The following FOXP2 variants were observed in gnomAD, a reference collection of about 807,000 sequenced individuals.
The protein encoded by FOXP2 is forkhead box protein P2.
Under a neutral mutation model 115.8 loss-of-function variants are expected in FOXP2, and 12 were observed. That is an observed-to-expected ratio of 0.10 (90% CI 0.07 to 0.17). The LOEUF (loss-of-function observed/expected upper bound fraction) is 0.17. FOXP2 is among the 10% of genes least tolerant of loss of function. The pLI is 1.00. For missense variants in FOXP2, 629 were observed against 843.5 expected (o/e 0.75, Z 3.15); for synonymous variants, 328 against 297.7 (o/e 1.10, Z -1.05).
chr7:114,325,231 T>A (rs1243523353), intron 2 of FOXP2, among the ~76,000 whole-genome samples: 1 of 151,946 alleles, frequency 6.6e-6, no homozygotes, highest in Non-Finnish European at 1.5e-5. Flanking sequence ...AAGTTAGTTG[T>A]CTCTGATTGT....
rs1802226287 is a variant in FOXP2 at position 114,587,887 on chromosome 7, C to A, written c.259-40653C>A. On this transcript the variant is annotated intron_variant, in intron 3 of 16. Transcript: ENST00000350908. ...GTGAATAAGAGATAATTAAATCCAC[C>A]TTTCTTAGTGCCTTATTAATGATTC... is the stretch of plus-strand genomic sequence containing the variant. Among the ~76,000 whole-genome samples the A allele has an allele frequency of 3.0e-5, 2 of 65,648 alleles. 1 individual carries two copies. The highest frequency in any genetic ancestry group is 7.0e-5 in the Non-Finnish European group (2 of 28,578). 43.1% of individuals were successfully genotyped at this position (65,648 alleles called of 152,430 possible).
intron 2 of FOXP2, among the ~76,000 whole-genome samples, chr7:114,292,822 T>C (rs535688161): frequency 1.3e-5 from 2 of 152,318 alleles, no homozygotes; most frequent in East Asian, 1.9e-4. Flanking sequence ...TATAATAGTA[T>C]CTTTAGAAAT....
chr7:114,135,752 G>A (rs1004713515), intron 1 of FOXP2, among the ~76,000 whole-genome samples: 8 of 152,006 alleles, frequency 5.3e-5, no homozygotes, highest in Non-Finnish European at 1.2e-4. Context: ...AAAATTTGTA[G>A]TTACAAAATC....
chr7:114,604,708 TG>T (rs1189248834), intron 3 of FOXP2, among the ~76,000 whole-genome samples: 1 of 152,198 alleles, frequency 6.6e-6, no homozygotes, highest in Non-Finnish European at 1.5e-5. Context: ...TGCCTCTATT[TG>T]CTCTCAAATG....
At chr7:114,427,111 C>T (rs1410553644) in intron 2 of FOXP2, among the ~76,000 whole-genome samples, 6 of 151,700 alleles carry the variant, frequency 4.0e-5, no homozygotes, top group African/African-American at 1.2e-4. Context: ...AAGACAGATG[C>T]TTGCCTGCGT....
intron 1 of FOXP2, among the ~76,000 whole-genome samples, chr7:114,183,048 C>T (rs1284110280): frequency 6.6e-6 from 1 of 152,008 alleles, no homozygotes; most frequent in Non-Finnish European, 1.5e-5. Context: ...TGGTTGCCTG[C>T]AGGGATCATC....
chr7:114,093,244 T>C (rs937059869), intron 1 of FOXP2, among the ~76,000 whole-genome samples: 1 of 152,176 alleles, frequency 6.6e-6, no homozygotes, highest in East Asian at 1.9e-4. Context: ...TGGAATGATC[T>C]ATCCTCCTGT....
intron 2 of FOXP2, among the ~76,000 whole-genome samples, chr7:114,307,741 C>A (rs1326990282): frequency 2.0e-5 from 3 of 152,080 alleles, no homozygotes; most frequent in Admixed American, 2.0e-4. Context: ...AATAAGGTTG[C>A]ATTAGTTTAT....
chr7:114,226,247 A>G lies in FOXP2; in HGVS notation c.-101-61772A>G, dbSNP rs554357611. On this transcript the variant is annotated intron_variant, in intron 1 of 17. Transcript: ENST00000634411. ...GAATTTCAAGAAAATGTTATGAAACATTCTTGTGTAGCTTTTCCTTTGGTA... is the reference window on the plus strand; with the variant it reads ...GAATTTCAAGAAAATGTTATGAAACGTTCTTGTGTAGCTTTTCCTTTGGTA... Among the ~76,000 whole-genome samples the G allele has an allele frequency of 2.0e-5, 3 of 152,292 alleles. No homozygotes were observed. The South Asian group carries it at 6.2e-4, about 32-fold the overall frequency.
At chr7:114,480,951 C>G (rs1796509528) in intron 2 of FOXP2, among the ~76,000 whole-genome samples, 1 of 151,108 alleles carries the variant, frequency 6.6e-6, no homozygotes, top group African/African-American at 2.4e-5. Context: ...TTCTCGAGCT[C>G]TGGATAATGA....
At chr7:114,613,450 C>T (rs902326826) in intron 3 of FOXP2, among the ~76,000 whole-genome samples, 6 of 151,880 alleles carry the variant, frequency 4.0e-5, no homozygotes, top group Non-Finnish European at 7.4e-5. Context: ...CCAAGGCAGG[C>T]GGATCATGAG....
intron 2 of FOXP2, among the ~76,000 whole-genome samples, chr7:114,288,286 T>C (rs1413909519): frequency 5.3e-5 from 8 of 151,966 alleles, no homozygotes; most frequent in Admixed American, 5.3e-4. Flanking sequence ...TAATCACTGC[T>C]ATTGGGATTC....
intron 2 of FOXP2, among the ~76,000 whole-genome samples, chr7:114,292,181 G>A (rs1441989437): frequency 6.6e-6 from 1 of 151,356 alleles, no homozygotes; most frequent in Non-Finnish European, 1.5e-5. Context: ...CACACTCAAG[G>A]GGAAGGAATT....
intron 2 of FOXP2, among the ~76,000 whole-genome samples, chr7:114,355,893 A>G (rs968457973): frequency 6.6e-6 from 1 of 152,174 alleles, no homozygotes; most frequent in African/African-American, 2.4e-5. Flanking sequence ...GCTTTTCAGC[A>G]TGGATAATTA....
chr7:114,427,799 G>A (rs1474750709), intron 2 of FOXP2, among the ~76,000 whole-genome samples: 1 of 151,366 alleles, frequency 6.6e-6, no homozygotes, highest in Non-Finnish European at 1.5e-5. Flanking sequence ...AAAGTTACAT[G>A]GGTTGAATAA....
chr7:114,142,291 G>A (rs1673178204), intron 1 of FOXP2, among the ~76,000 whole-genome samples: 1 of 152,044 alleles, frequency 6.6e-6, no homozygotes, highest in Non-Finnish European at 1.5e-5. Flanking sequence ...CAAAGTGCTG[G>A]GATTACAGGC....
At chr7:114,329,241 G>T (rs961387813) in intron 2 of FOXP2, among the ~76,000 whole-genome samples, 1 of 152,152 alleles carries the variant, frequency 6.6e-6, no homozygotes, top group Admixed American at 6.6e-5. Flanking sequence ...TATCTGGCCA[G>T]GCATGGTGGT....
At chr7:114,238,149 A>T (rs1795059661) in intron 1 of FOXP2, among the ~76,000 whole-genome samples, 1 of 152,222 alleles carries the variant, frequency 6.6e-6, no homozygotes. Flanking sequence ...AGTGGTAGTT[A>T]AACTATGAAA....
At chr7:114,327,131 C>T (rs1340400078) in intron 2 of FOXP2, among the ~76,000 whole-genome samples, 1 of 152,170 alleles carries the variant, frequency 6.6e-6, no homozygotes, top group Non-Finnish European at 1.5e-5. Flanking sequence ...CTTTCCCTTC[C>T]TATCAGTGAT....
Sources: allele counts gnomAD v4.1 joint callset (sites outside exome capture counted in the v4.1 genomes callset), GRCh38; gene constraint gnomAD v4.1.1; transcripts MANE v1.5; gene names NCBI Gene and HGNC (gene_info 2026-07-23, HGNC 2026-07-21).